The following CNTN5 variants were observed in gnomAD, a reference collection of about 807,000 sequenced individuals.
The protein encoded by CNTN5 is contactin 5, also known as contactin-5.
Under a neutral mutation model 129.1 loss-of-function variants are expected in CNTN5, and 77 were observed. That is an observed-to-expected ratio of 0.60 (90% CI 0.50 to 0.72). The LOEUF (loss-of-function observed/expected upper bound fraction) is 0.72. Ranked by LOEUF, CNTN5 falls within the 30% of genes least tolerant of loss-of-function variation. The pLI is 0.00. For missense variants in CNTN5, 1,478 were observed against 1,328.8 expected, an observed-to-expected ratio of 1.11 and a Z score of -1.75; for synonymous variants, 509 against 465.6, an observed-to-expected ratio of 1.09 and a Z score of -1.20.
intron 5 of CNTN5, 40 bp downstream of exon 5, chr11:99,845,015 A>G (rs201318793): frequency 6.1e-5 from 98 of 1,610,008 alleles, no homozygotes; most frequent in Non-Finnish European, 7.2e-5. Context: ...AAGCCTTAAA[A>G]ACTTTCCATC....
intron 1 of CNTN5, among the ~76,000 whole-genome samples, chr11:99,091,021 C>CAAAAAAAAAAAAAAAAAAAAAAA (rs68113369): frequency 1.8e-5 from 1 of 56,754 alleles, no homozygotes; most frequent in African/African-American, 7.3e-5. Context: ...GACTCCGTCT[C>CAAAAAAAAAAAAAAAAAAAAAAA]AAAAAAAAAA....
At chr11:99,878,861 ATAAT>A (rs1392056865) in intron 6 of CNTN5, among the ~76,000 whole-genome samples, 10 of 152,306 alleles carry the variant, frequency 6.6e-5, no homozygotes, top group African/African-American at 9.6e-5. Context: ...CTCAAAAAAA[ATAAT>A]TAATAATTTT....
At chr11:99,764,681 G>C (rs2135298460) in intron 3 of CNTN5, among the ~76,000 whole-genome samples, 1 of 152,266 alleles carries the variant, frequency 6.6e-6, no homozygotes, top group Middle Eastern at 3.4e-3. Context: ...CTCCCAAAGT[G>C]ATGAAATCAA....
intron 13 of CNTN5, among the ~76,000 whole-genome samples, chr11:100,088,841 A>T (rs554502413): frequency 2.0e-4 from 31 of 152,208 alleles, no homozygotes; most frequent in African/African-American, 5.3e-4. Flanking sequence ...TACTGAAATG[A>T]TTCCAAAAAG....
chr11:100,349,582 A>T (rs75727669), intron 23 of CNTN5, among the ~76,000 whole-genome samples: 1 of 151,890 alleles, frequency 6.6e-6, no homozygotes, highest in Non-Finnish European at 1.5e-5. Context: ...TTTCCCAGCC[A>T]GGAAGGTATA....
chr11:99,367,530 A>G (rs547407024), intron 2 of CNTN5, among the ~76,000 whole-genome samples: 27 of 152,232 alleles, frequency 1.8e-4, no homozygotes, highest in Middle Eastern at 3.4e-3. Flanking sequence ...GCAATTTAGC[A>G]TACAGGTCAG....
chr11:99,990,451 T>TACACACAC (rs200252748), intron 8 of CNTN5, among the ~76,000 whole-genome samples: 2,390 of 99,468 alleles, frequency 0.024, 26 homozygotes, highest in Middle Eastern at 0.027. Flanking sequence ...AGAATATATA[T>TACACACAC]ATATACACAC....
At chr11:99,817,399 A>T (rs1435901932) in intron 3 of CNTN5, among the ~76,000 whole-genome samples, 2 of 152,206 alleles carry the variant, frequency 1.3e-5, no homozygotes, top group African/African-American at 4.8e-5. Flanking sequence ...GGAGTGGCAC[A>T]AGCCCATTTG....
intron 24 of CNTN5, 148 bp downstream of exon 24, chr11:100,351,018 T>C: frequency 3.4e-6 from 2 of 589,392 alleles, no homozygotes; most frequent in Non-Finnish European, 5.7e-6. Flanking sequence ...TTCTGATTAA[T>C]ATGAACCATA....
Position 99,251,366 on chromosome 11 carries a change from G to T in CNTN5, c.-209-73980G>T, listed in dbSNP as rs1314516554. ...GTATACATGTGTGTGGAAAGTGTGTGTTGAGGGAGACAAGATAAATACATT... is the reference window on the plus strand; with the variant it reads ...GTATACATGTGTGTGGAAAGTGTGTTTTGAGGGAGACAAGATAAATACATT... On this transcript the variant is annotated intron_variant, in intron 1 of 24. Coordinates refer to ENST00000524871, the MANE Select transcript of CNTN5 (RefSeq NM_014361.4). Among the ~76,000 whole-genome samples the T allele has an allele frequency of 3.3e-5, 5 of 151,988 alleles. No individual in the cohort carries two copies. In the East Asian group the frequency reaches 9.7e-4, roughly 29 times the overall value.
intron 3 of CNTN5, among the ~76,000 whole-genome samples, chr11:99,586,729 A>G (rs1436790933): frequency 6.6e-6 from 1 of 152,224 alleles, no homozygotes; most frequent in African/African-American, 2.4e-5. Context: ...ATATATGTTC[A>G]CAAAATATAT....
intron 6 of CNTN5, among the ~76,000 whole-genome samples, chr11:99,897,365 G>A (rs1469951735): frequency 6.6e-6 from 1 of 152,050 alleles, no homozygotes; most frequent in East Asian, 1.9e-4. Context: ...TCCAAGGTTG[G>A]TGCTAAAGAA....
intron 2 of CNTN5, among the ~76,000 whole-genome samples, chr11:99,518,080 G>C (rs185710049): frequency 4.6e-5 from 7 of 152,174 alleles, no homozygotes; most frequent in Admixed American, 3.3e-4. Flanking sequence ...CCTTCTTTTA[G>C]AGTTTTATAA....
intron 3 of CNTN5, among the ~76,000 whole-genome samples, chr11:99,726,615 C>G (rs570553966): frequency 6.6e-6 from 1 of 152,116 alleles, no homozygotes; most frequent in Non-Finnish European, 1.5e-5. Context: ...AATCTAACAA[C>G]AAATCCTAAA....
At chr11:99,229,342 C>A (rs1366919638) in intron 1 of CNTN5, among the ~76,000 whole-genome samples, 1 of 151,954 alleles carries the variant, frequency 6.6e-6, no homozygotes, top group Non-Finnish European at 1.5e-5. Flanking sequence ...AAAATATGGT[C>A]TTTAAGTCAC....
At chr11:100,084,431 C>G (rs1374533783) in intron 13 of CNTN5, among the ~76,000 whole-genome samples, 2 of 152,076 alleles carry the variant, frequency 1.3e-5, no homozygotes, top group African/African-American at 2.4e-5. Flanking sequence ...AGATTTTTAG[C>G]ATCCTCTGAG....
chr11:100,221,787 T>G (rs1171233257), intron 15 of CNTN5, among the ~76,000 whole-genome samples: 1 of 151,116 alleles, frequency 6.6e-6, no homozygotes, highest in Non-Finnish European at 1.5e-5. Flanking sequence ...GATTTGTTCA[T>G]AAGGTCAACG....
chr11:99,787,388 C>G (rs1411780007), intron 3 of CNTN5, among the ~76,000 whole-genome samples: 2 of 151,208 alleles, frequency 1.3e-5, no homozygotes, highest in Admixed American at 6.6e-5. Context: ...TATTAAAAAT[C>G]TTTATTTAAA....
At chr11:99,109,543 T>C (rs939627189) in intron 1 of CNTN5, among the ~76,000 whole-genome samples, 1 of 152,212 alleles carries the variant, frequency 6.6e-6, no homozygotes, top group African/African-American at 2.4e-5. Flanking sequence ...TAAGCCATTA[T>C]ACTCTTGTAT....
Sources: allele counts gnomAD v4.1 joint callset (sites outside exome capture counted in the v4.1 genomes callset), GRCh38; gene constraint gnomAD v4.1.1; transcripts MANE v1.5; gene names NCBI Gene and HGNC (gene_info 2026-07-23, HGNC 2026-07-21).